The following FBXL17 variants were observed in gnomAD, a reference collection of about 807,000 sequenced individuals.
The protein encoded by FBXL17 is F-box/LRR-repeat protein 17.
A neutral mutation model predicts 66.2 loss-of-function variants in FBXL17; 22 were observed. The ratio of observed to expected loss-of-function variants is 0.33; its 90% CI spans 0.24 to 0.47. FBXL17 has a LOEUF of 0.47. Among genes scored for constraint, FBXL17 ranks in the 20% least tolerant of loss-of-function variants. The pLI, the probability that FBXL17 is intolerant of heterozygous loss-of-function variation, is 1.00. For synonymous variants in FBXL17, 474 were observed against 400.5 expected (o/e 1.18, Z -2.19); for missense variants, 878 against 948.2 (o/e 0.93, Z 0.97).
intron 5 of FBXL17, among the ~76,000 whole-genome samples, chr5:108,206,971 T>C (rs997569832): frequency 1.3e-5 from 2 of 152,132 alleles, no homozygotes; most frequent in Non-Finnish European, 2.9e-5. Context: ...CTTTGGACCA[T>C]TTTACATTCT....
intron 6 of FBXL17, among the ~76,000 whole-genome samples, chr5:108,107,451 T>C (rs905324363): frequency 6.6e-6 from 1 of 152,208 alleles, no homozygotes; most frequent in Admixed American, 6.5e-5. Flanking sequence ...AGTGTCTACA[T>C]GATCAGTCAT....
At chr5:108,323,843 G>A (rs1228636843) in intron 4 of FBXL17, among the ~76,000 whole-genome samples, 1 of 152,056 alleles carries the variant, frequency 6.6e-6, no homozygotes, top group Non-Finnish European at 1.5e-5. Context: ...GGAAAGGGCA[G>A]CCTTTTCAAC....
At chr5:108,232,782 C>CATATATATATATAATATAT (rs1755404666) in intron 4 of FBXL17, among the ~76,000 whole-genome samples, 2 of 78,170 alleles carry the variant, frequency 2.6e-5, no homozygotes, top group Non-Finnish European at 5.4e-5. Flanking sequence ...TAAGCTCTCA[C>CATATATATATATAATATAT]ATATATATAT....
chr5:107,971,482 G>A (rs926086057), intron 7 of FBXL17, among the ~76,000 whole-genome samples: 1 of 152,210 alleles, frequency 6.6e-6, no homozygotes, highest in South Asian at 2.1e-4. Context: ...GTAAAACTAT[G>A]CTATTTTTTA....
intron 6 of FBXL17, among the ~76,000 whole-genome samples, chr5:108,039,356 C>G (rs1220598296): frequency 1.3e-5 from 2 of 151,942 alleles, no homozygotes; most frequent in Admixed American, 1.3e-4. Flanking sequence ...AACCTAGAAG[C>G]TAGAGGCTGT....
At chr5:108,074,393 G>A (rs1580406284) in intron 6 of FBXL17, among the ~76,000 whole-genome samples, 1 of 150,996 alleles carries the variant, frequency 6.6e-6, no homozygotes, top group African/African-American at 2.4e-5. Flanking sequence ...GTATTTAATG[G>A]ACTTTCTGCT....
intron 4 of FBXL17, among the ~76,000 whole-genome samples, chr5:108,260,487 A>G (rs909003342): frequency 6.6e-6 from 1 of 152,142 alleles, no homozygotes; most frequent in Non-Finnish European, 1.5e-5. Context: ...CATGTAACAT[A>G]ATGGGCTTCC....
chr5:108,308,103 C>T lies in FBXL17; in HGVS notation c.1506+40296G>A, dbSNP rs142536193. On this transcript the variant is annotated intron_variant, in intron 4 of 8. Coordinates refer to ENST00000542267, the MANE Select transcript of FBXL17 (RefSeq NM_001163315.3). ...GACCTTGTCCCCATTTTTACCCTAG[C>T]TATCCAAAGAAATGCCTACTACTGC... 2.2e-4 allele frequency among the ~76,000 whole-genome samples: 34 copies of T among 152,128 alleles called. 1 individual carries two copies. In the Middle Eastern group the frequency reaches 0.01, roughly 46 times the overall value.
chr5:108,262,040 C>G (rs1167101369), intron 4 of FBXL17, among the ~76,000 whole-genome samples: 1 of 150,640 alleles, frequency 6.6e-6, no homozygotes, highest in African/African-American at 2.4e-5. Context: ...AGGGAGAATA[C>G]AAAGTGATAC....
In FBXL17 at chr5:107,881,019, T is replaced by C; in HGVS notation, c.1965+18A>G. 1 of 1,614,058 alleles carries C rather than the reference T, an allele frequency of 6.2e-7. No individual in the cohort carries two copies. ...TACTGATATGTAGAAAGCAAACAAC[T>C]TGATAGTCAACTCTTACTTTATCAC... On this transcript the variant is annotated intron_variant, in intron 8 of 8. Transcript: ENST00000542267.
chr5:108,341,269 T>C (rs2112432062), intron 4 of FBXL17, among the ~76,000 whole-genome samples: 1 of 152,292 alleles, frequency 6.6e-6, no homozygotes, highest in East Asian at 1.9e-4. Flanking sequence ...TTTAACCATA[T>C]GTCACTAGAT....
Position 108,025,735 on chromosome 5 carries a change from A to G in FBXL17, c.1746-4734T>C, listed in dbSNP as rs1039910165. 1.9e-3 allele frequency among the ~76,000 whole-genome samples: 293 copies of G among 151,010 alleles called. 5 individuals are homozygous for G. In the East Asian group the frequency reaches 0.022, roughly 11 times the overall value. On this transcript the variant is annotated intron_variant, in intron 6 of 8. Transcript: ENST00000542267. ...CACACACACGCGCGCGCGCACACAC[A>G]CACACACACACACACACACAGGCCC...
chr5:107,944,811 A>G (rs1425708402), intron 7 of FBXL17, among the ~76,000 whole-genome samples: 3 of 152,142 alleles, frequency 2.0e-5, no homozygotes, highest in Admixed American at 6.6e-5. Context: ...AAAGATCTAA[A>G]TATAAAAAGC....
intron 6 of FBXL17, among the ~76,000 whole-genome samples, chr5:108,129,682 A>C (rs2149974816): frequency 6.6e-6 from 1 of 152,124 alleles, no homozygotes; most frequent in East Asian, 1.9e-4. Context: ...AACTCCTGAG[A>C]ATATATCAAA....
At chr5:108,009,290 T>TAGATAGATAGATAGAGAGATAG (rs1287152827) in intron 7 of FBXL17, among the ~76,000 whole-genome samples, 2 of 54,696 alleles carry the variant, frequency 3.7e-5, no homozygotes, top group South Asian at 5.1e-4. Flanking sequence ...TATATATATA[T>TAGATAGATAGATAGAGAGATAG]ATATATATAT....
At chr5:107,878,702 C>T in intron 8 of FBXL17, 1 of 985,440 alleles carries the variant, frequency 1.0e-6, no homozygotes, top group Non-Finnish European at 1.2e-6. Context: ...CTTTAGATTT[C>T]CATCCAACTA....
intron 6 of FBXL17, among the ~76,000 whole-genome samples, chr5:108,184,020 A>G (rs1753120182): frequency 1.3e-5 from 2 of 152,216 alleles, no homozygotes; most frequent in African/African-American, 2.4e-5. Context: ...GCTATCACAT[A>G]AAGAGTAATT....
At chr5:108,346,391 A>G (rs1486142616) in intron 4 of FBXL17, among the ~76,000 whole-genome samples, 1 of 152,148 alleles carries the variant, frequency 6.6e-6, no homozygotes, top group Non-Finnish European at 1.5e-5. Context: ...TTTTTAATGT[A>G]CCAAAATACT....
At chr5:108,376,727 G>C (rs891909816) in intron 1 of FBXL17, among the ~76,000 whole-genome samples, 1 of 150,904 alleles carries the variant, frequency 6.6e-6, no homozygotes, top group Non-Finnish European at 1.5e-5. Flanking sequence ...GTCTCTTTAC[G>C]TGTCTTAAAA....
Sources: gnomAD v4.1 joint callset for allele counts (sites outside exome capture counted in the v4.1 genomes callset) on GRCh38, gnomAD v4.1.1 for gene constraint, MANE v1.5 for transcripts, NCBI Gene and HGNC (gene_info 2026-07-23, HGNC 2026-07-21) for gene names.